Variants in DGKB observed in about 807,000 individuals in gnomAD.
DGKB encodes the protein 90 kDa diacylglycerol kinase.
Under a neutral mutation model 114.3 loss-of-function variants are expected in DGKB, and 67 were observed. That is an observed-to-expected ratio of 0.59 (90% CI 0.48 to 0.72). The LOEUF is 0.72. DGKB is among the 30% of genes least tolerant of loss of function. The pLI, the probability that DGKB is intolerant of heterozygous loss-of-function variation, is 0.00. For missense variants in DGKB, 907 were observed against 975.2 expected (o/e 0.93, Z 0.93); for synonymous variants, 398 against 323.1 (o/e 1.23, Z -2.49).
At chr7:14,611,758 AG>A (rs1805586282) in intron 16 of DGKB, among the ~76,000 whole-genome samples, 1 of 151,786 alleles carries the variant, frequency 6.6e-6, no homozygotes. Context: ...ACTGGTAGAA[AG>A]GGAAGGCAAA....
chr7:14,896,977 TG>T (rs955530833), intron 1 of DGKB, among the ~76,000 whole-genome samples: 1 of 151,830 alleles, frequency 6.6e-6, no homozygotes, highest in East Asian at 1.9e-4. Context: ...TTATAAAGCA[TG>T]GCCCAGCTGC....
At chr7:14,411,677 C>A (rs1368742067) in intron 21 of DGKB, among the ~76,000 whole-genome samples, 3 of 10,716 alleles carry the variant, frequency 2.8e-4, no homozygotes, top group South Asian at 2.5e-3. Flanking sequence ...GTATAATACA[C>A]ACATCTTAAC....
intron 23 of DGKB, among the ~76,000 whole-genome samples, chr7:14,337,045 A>G (rs1485852155): frequency 6.6e-6 from 1 of 152,188 alleles, no homozygotes; most frequent in Non-Finnish European, 1.5e-5. Flanking sequence ...GTAGTACCTA[A>G]TAATACAGGC....
chr7:14,491,079 A>G (rs952337207), intron 20 of DGKB, among the ~76,000 whole-genome samples: 3 of 151,660 alleles, frequency 2.0e-5, no homozygotes, highest in Admixed American at 6.6e-5. Flanking sequence ...TAGTCTTTAA[A>G]CTCTCAATCC....
At chr7:14,906,548 G>A (rs1450335511), upstream of DGKB, among the ~76,000 whole-genome samples, 3 of 150,130 alleles carry the variant, frequency 2.0e-5, no homozygotes, top group South Asian at 2.1e-4. Flanking sequence ...CTGCCTCCCG[G>A]GTTCTAGCGA....
chr7:14,459,968 T>C (rs998471271), intron 21 of DGKB, among the ~76,000 whole-genome samples: 2 of 152,138 alleles, frequency 1.3e-5, no homozygotes, highest in Non-Finnish European at 2.9e-5. Flanking sequence ...AAATGAATTT[T>C]CAACCCAGAA....
At position 14,178,222 on chromosome 7, in the gene DGKB, T is replaced by C. The variant is rs988271334; in HGVS notation, c.2123-71A>G. On this transcript the variant is annotated intron_variant, in intron 23 of 25. Coordinates refer to ENST00000402815, the MANE Select transcript of DGKB (RefSeq NM_001350709.2). Reference sequence around the variant, plus strand: ...GTCCACAATTTAATGCCATTTGATATTATGGAGATTAAAAAAAATAACAGC... The same window carrying C: ...GTCCACAATTTAATGCCATTTGATACTATGGAGATTAAAAAAAATAACAGC... 8.7e-6 allele frequency: 13 copies of C among 1,489,730 alleles called. No individual in the cohort carries two copies. The African/African-American group carries it at 1.9e-4, about 21-fold the overall frequency. 92.3% of individuals were successfully genotyped at this position (1,489,730 alleles called of 1,614,324 possible).
chr7:14,237,782 A>T (rs1271172371), intron 23 of DGKB, among the ~76,000 whole-genome samples: 1 of 151,952 alleles, frequency 6.6e-6, no homozygotes, highest in Non-Finnish European at 1.5e-5. Context: ...TTGCCTGTTT[A>T]AGATAACATA....
intron 21 of DGKB, among the ~76,000 whole-genome samples, chr7:14,374,461 T>C (rs1397304249): frequency 6.6e-6 from 1 of 152,148 alleles, no homozygotes; most frequent in Admixed American, 6.6e-5. Flanking sequence ...AGCTGAAACT[T>C]CCATTAGAAT....
intron 23 of DGKB, among the ~76,000 whole-genome samples, chr7:14,324,233 G>C (rs754842497): frequency 9.9e-5 from 15 of 152,202 alleles, no homozygotes; most frequent in Admixed American, 2.6e-4. Context: ...CAGATCACTT[G>C]AGGTCAGGAG....
chr7:14,616,678 C>T (rs948009072), intron 15 of DGKB, among the ~76,000 whole-genome samples: 9 of 151,760 alleles, frequency 5.9e-5, no homozygotes, highest in Middle Eastern at 3.4e-3. Context: ...AGATGACTTC[C>T]TAGTTGATTT....
At chr7:14,832,944 A>C (rs1014393396) in intron 2 of DGKB, among the ~76,000 whole-genome samples, 3 of 151,906 alleles carry the variant, frequency 2.0e-5, no homozygotes, top group African/African-American at 7.2e-5. Context: ...TGTGAACTTA[A>C]GGTTCAATAT....
At chr7:14,717,759 T>C (rs1828451771) in intron 6 of DGKB, among the ~76,000 whole-genome samples, 1 of 152,096 alleles carries the variant, frequency 6.6e-6, no homozygotes, top group Non-Finnish European at 1.5e-5. Flanking sequence ...CCATATCTTA[T>C]ATAATCAAAT....
rs1423231186 is a variant in DGKB, at chr7:14,848,931, C to T, written c.-187-7481G>A. 2.6e-5 allele frequency among the ~76,000 whole-genome samples: 4 copies of T among 151,966 alleles called. 1 individual carries two copies. Among genetic ancestry groups the T allele is most frequent in the Admixed American group, 2.0e-4 (3 of 15,252 alleles). On this transcript the variant is annotated intron_variant, in intron 1 of 25. Transcript: ENST00000402815. Reference sequence around the variant, plus strand: ...TTTCAAAAGCATCAGTTTTGTATTACAATCTGAAAGCTTTCCTTGCCCAAT... The same window carrying T: ...TTTCAAAAGCATCAGTTTTGTATTATAATCTGAAAGCTTTCCTTGCCCAAT...
At chr7:14,970,550 T>C (rs1219130796) in intron 1 of DGKB, among the ~76,000 whole-genome samples, 1 of 150,744 alleles carries the variant, frequency 6.6e-6, no homozygotes, top group Non-Finnish European at 1.5e-5. Context: ...ATAGGAAAAA[T>C]GAAGGAATAA....
chr7:14,268,353 C>T (rs1797820172), intron 23 of DGKB, among the ~76,000 whole-genome samples: 3 of 151,930 alleles, frequency 2.0e-5, no homozygotes, highest in Admixed American at 2.0e-4. Flanking sequence ...AGGAATTAAT[C>T]TACAACAGCA....
At chr7:14,574,936 G>C (rs186982130) in intron 19 of DGKB, among the ~76,000 whole-genome samples, 45 of 152,022 alleles carry the variant, frequency 3.0e-4, no homozygotes, top group African/African-American at 9.9e-4. Flanking sequence ...TGGCTGGTTT[G>C]CATCTATTTC....
rs185828248 is a variant in DGKB, at chr7:14,570,881, T to C, written c.1770+3331A>G. ...CGTTCAAACCTGTGTTGTTCAAAGG[T>C]CAAGTGTATTTCTGTTTCCTAATAT... is the stretch of plus-strand genomic sequence containing the variant. On this transcript the variant is annotated intron_variant, in intron 20 of 25. Transcript: ENST00000402815. Among the ~76,000 whole-genome samples, 11 of 152,250 alleles carry C rather than the reference T, an allele frequency of 7.2e-5. No homozygotes were observed. The East Asian group carries it at 1.9e-3, about 27-fold the overall frequency.
chr7:14,601,631 C>T (rs1034866750), intron 17 of DGKB, among the ~76,000 whole-genome samples: 1 of 152,114 alleles, frequency 6.6e-6, no homozygotes, highest in Admixed American at 6.5e-5. Context: ...GGAAGCCATG[C>T]CACACCCTCA....
Sources: gnomAD v4.1 joint callset for allele counts (sites outside exome capture counted in the v4.1 genomes callset) on GRCh38, gnomAD v4.1.1 for gene constraint, MANE v1.5 for transcripts, NCBI Gene and HGNC (gene_info 2026-07-23, HGNC 2026-07-21) for gene names.